LHFPL3: variants seen among roughly 807,000 people sequenced by gnomAD.
LHFPL3 encodes LHFPL tetraspan subfamily member 3.
Under a neutral mutation model 19.3 loss-of-function variants are expected in LHFPL3, and 5 were observed. The ratio of observed to expected loss-of-function variants is 0.26; its 90% CI spans 0.14 to 0.54. The LOEUF (loss-of-function observed/expected upper bound fraction) is 0.54. Ranked by LOEUF, LHFPL3 falls within the 20% of genes least tolerant of loss-of-function variation. The pLI is 0.94. For synonymous variants in LHFPL3, 133 were observed against 126.2 expected (o/e 1.05, Z -0.36); for missense variants, 249 against 307.4 (o/e 0.81, Z 1.42).
chr7:104,423,221 G>A lies in LHFPL3; in HGVS notation c.445+93997G>A, dbSNP rs565282925. On this transcript the variant is annotated intron_variant, in intron 1 of 2. Coordinates refer to ENST00000424859, the MANE Select transcript of LHFPL3 (RefSeq NM_199000.3). ...GTAAGCCTCACTGAGCAAGGTGCTTGGAGGCTGTGATGGACATTTATAATG... is the reference window on the plus strand; with the variant it reads ...GTAAGCCTCACTGAGCAAGGTGCTTAGAGGCTGTGATGGACATTTATAATG... Among the ~76,000 whole-genome samples, 17 of 152,282 alleles carry A rather than the reference G, an allele frequency of 1.1e-4. No individual in the cohort carries two copies. In the South Asian group the frequency reaches 3.3e-3, roughly 30 times the overall value.
intron 1 of LHFPL3, among the ~76,000 whole-genome samples, chr7:104,513,035 C>G (rs1259386923): frequency 2.0e-5 from 3 of 152,152 alleles, no homozygotes; most frequent in Non-Finnish European, 4.4e-5. Flanking sequence ...AGACACAAAA[C>G]TTGTTTCCTC....
chr7:104,572,185 A>G (rs1162736060), intron 1 of LHFPL3, among the ~76,000 whole-genome samples: 2 of 152,226 alleles, frequency 1.3e-5, no homozygotes, highest in African/African-American at 2.4e-5. Context: ...GTGTTGGTGC[A>G]AAAGTTATTG....
At chr7:104,645,087 A>G (rs760545508) in intron 1 of LHFPL3, among the ~76,000 whole-genome samples, 49 of 152,184 alleles carry the variant, frequency 3.2e-4, no homozygotes, top group Non-Finnish European at 6.2e-4. Context: ...ATGCATGATT[A>G]TCTGAATTCT....
At chr7:104,800,779 C>T (rs570619144) in intron 2 of LHFPL3, among the ~76,000 whole-genome samples, 4 of 152,048 alleles carry the variant, frequency 2.6e-5, no homozygotes, top group East Asian at 1.9e-4. Flanking sequence ...GAAAAGTTGG[C>T]GCAGGAGTTG....
intron 1 of LHFPL3, among the ~76,000 whole-genome samples, chr7:104,563,263 G>A (rs533139679): frequency 7.2e-4 from 109 of 152,302 alleles, no homozygotes; most frequent in African/African-American, 2.5e-3. Context: ...GGGCAATGGC[G>A]GGCGCCCCTC....
chr7:104,359,172 A>C (rs147684833), intron 1 of LHFPL3, among the ~76,000 whole-genome samples: 82 of 152,318 alleles, frequency 5.4e-4, no homozygotes, highest in Non-Finnish European at 1.0e-3. Context: ...CACACGTTGC[A>C]TATTTATTGC....
At chr7:104,472,577 G>A (rs1183001284) in intron 1 of LHFPL3, among the ~76,000 whole-genome samples, 3 of 152,136 alleles carry the variant, frequency 2.0e-5, no homozygotes, top group Admixed American at 2.0e-4. Context: ...GTTCCTGAGA[G>A]GGTATGTGCG....
At position 104,447,863 on chromosome 7, in the gene LHFPL3, C is replaced by T. The variant is rs76612748; in HGVS notation, c.445+118639C>T. ...GTCCATTTAAATAAATGGAAACATC[C>T]GTTTATCTGAAAGCAAATGTTCAGG... On this transcript the variant is annotated intron_variant, in intron 1 of 2. Transcript: ENST00000424859. Among the ~76,000 whole-genome samples the T allele has an allele frequency of 2.5e-3, 373 of 151,962 alleles. 1 individual carries two copies. Among genetic ancestry groups the T allele is most frequent in the African/African-American group, 8.0e-3 (333 of 41,438 alleles).
chr7:104,834,487 G>A (rs1791053480), intron 2 of LHFPL3, among the ~76,000 whole-genome samples: 1 of 151,906 alleles, frequency 6.6e-6, no homozygotes. Flanking sequence ...ATATTCTGAA[G>A]CATCATTTGC....
chr7:104,807,193 A>T (rs1196000827), intron 2 of LHFPL3, among the ~76,000 whole-genome samples: 2 of 152,058 alleles, frequency 1.3e-5, no homozygotes, highest in Non-Finnish European at 2.9e-5. Flanking sequence ...TCTAGGGGGA[A>T]ATTTGGATAC....
At chr7:104,639,883 A>T (rs1271965765) in intron 1 of LHFPL3, among the ~76,000 whole-genome samples, 2 of 152,222 alleles carry the variant, frequency 1.3e-5, no homozygotes, top group Non-Finnish European at 2.9e-5. Context: ...CATATGTCAG[A>T]ACTCCTTAAT....
At chr7:104,863,022 G>C (rs1416787607) in intron 2 of LHFPL3, among the ~76,000 whole-genome samples, 1 of 152,178 alleles carries the variant, frequency 6.6e-6, no homozygotes, top group Non-Finnish European at 1.5e-5. Flanking sequence ...GCAGAGCCCA[G>C]TTACACAGAG....
At chr7:104,458,480 TGTTTTGGTACCA>T (rs1200107879) in intron 1 of LHFPL3, among the ~76,000 whole-genome samples, 3 of 152,208 alleles carry the variant, frequency 2.0e-5, no homozygotes, top group Non-Finnish European at 2.9e-5. Context: ...TCTATACCTC[TGTTTTGGTACCA>T]GTACCATGCT....
Position 104,786,086 on chromosome 7 carries a change from C to G in LHFPL3, c.682+49175C>G, listed in dbSNP as rs368458880. Among the ~76,000 whole-genome samples, 7 of 152,324 alleles carry G rather than the reference C, an allele frequency of 4.6e-5. 2 individuals are homozygous for G. Among genetic ancestry groups the G allele is most frequent in the African/African-American group, 1.4e-4 (6 of 41,584 alleles). On this transcript the variant is annotated intron_variant, in intron 2 of 2. Coordinates refer to ENST00000424859, the MANE Select transcript of LHFPL3 (RefSeq NM_199000.3). Reference sequence around the variant, plus strand: ...ATTCCCAACCTTCCCTTCCTAGAAGCAACTGGTGCCTCATGAACAAGGAAT... The same window carrying G: ...ATTCCCAACCTTCCCTTCCTAGAAGGAACTGGTGCCTCATGAACAAGGAAT...
chr7:104,736,246 G>T (rs1793814824), intron 1 of LHFPL3, among the ~76,000 whole-genome samples: 1 of 152,182 alleles, frequency 6.6e-6, no homozygotes, highest in South Asian at 2.1e-4. Flanking sequence ...TGTTTGCCAT[G>T]TTATCCTTTT....
At chr7:104,543,518 T>G (rs566718172) in intron 1 of LHFPL3, among the ~76,000 whole-genome samples, 1 of 152,030 alleles carries the variant, frequency 6.6e-6, no homozygotes, top group South Asian at 2.1e-4. Flanking sequence ...CCAACCCAAA[T>G]GTCCAACAAT....
In LHFPL3 at chr7:104,551,084, A is replaced by G. The variant is rs78104353; in HGVS notation, c.446-185591A>G. On this transcript the variant is annotated intron_variant, in intron 1 of 2. Coordinates refer to ENST00000424859, the MANE Select transcript of LHFPL3 (RefSeq NM_199000.3). ...TCAGAACATTTCTTAATAGACTTCA[A>G]TGAGGTTCATGGCCCCAAACTCATC... is the stretch of plus-strand genomic sequence containing the variant. Among the ~76,000 whole-genome samples, 1,288 of 151,528 alleles carry G rather than the reference A, an allele frequency of 8.5e-3. 21 individuals carry two copies. Among genetic ancestry groups the G allele is most frequent in the African/African-American group, 0.028 (1,163 of 41,106 alleles).
intron 1 of LHFPL3, among the ~76,000 whole-genome samples, chr7:104,580,690 T>C (rs1430246718): frequency 6.6e-6 from 1 of 152,086 alleles, no homozygotes; most frequent in Non-Finnish European, 1.5e-5. Context: ...AAATTCCTCA[T>C]ACTCATCGCA....
At chr7:104,558,757 G>T (rs1261272882) in intron 1 of LHFPL3, among the ~76,000 whole-genome samples, 1 of 148,740 alleles carries the variant, frequency 6.7e-6, no homozygotes, top group Admixed American at 6.6e-5. Context: ...CCTTGCCCAT[G>T]CCTATGTCCT....
Sources: gnomAD v4.1 joint callset for allele counts (sites outside exome capture counted in the v4.1 genomes callset) on GRCh38, gnomAD v4.1.1 for gene constraint, MANE v1.5 for transcripts, NCBI Gene and HGNC (gene_info 2026-07-23, HGNC 2026-07-21) for gene names.